UXS1: variants seen among roughly 807,000 people sequenced by gnomAD.
UXS1 encodes the protein UDP-glucuronic acid decarboxylase 1.
UXS1 carries 33 observed loss-of-function variants against 62.6 expected under a neutral mutation model. The ratio of observed to expected loss-of-function variants is 0.53; its 90% CI spans 0.40 to 0.70. The LOEUF is 0.70. Ranked by LOEUF, UXS1 falls within the 30% of genes least tolerant of loss-of-function variation. The pLI is 0.00. For missense variants in UXS1, 434 were observed against 556.3 expected (o/e 0.78, Z 2.21); for synonymous variants, 213 against 206.8 (o/e 1.03, Z -0.26).
At chr2:106,154,967 G>C (rs893932412) in intron 5 of UXS1, among the ~76,000 whole-genome samples, 1 of 152,186 alleles carries the variant, frequency 6.6e-6, no homozygotes, top group Admixed American at 6.5e-5. Context: ...GAGGGCTTCG[G>C]AGAGCTTTCA....
At chr2:106,159,858 G>C (rs1219451149) in intron 4 of UXS1, 1 of 152,146 alleles carries the variant, frequency 6.6e-6, no homozygotes, top group East Asian at 1.9e-4. Context: ...GGAGTGAAAG[G>C]GCTTTCTATT....
At chr2:106,188,925 G>C (rs1241459351) in intron 1 of UXS1, among the ~76,000 whole-genome samples, 3 of 152,146 alleles carry the variant, frequency 2.0e-5, no homozygotes, top group African/African-American at 4.8e-5. Flanking sequence ...TTTTAAAAAA[G>C]TTCACAGAAC....
In UXS1 at chr2:106,165,101, G is replaced by A. The variant is rs555243958; in HGVS notation, c.123-302C>T. On this transcript the variant is annotated intron_variant, in intron 2 of 14. Transcript: ENST00000283148. ...ATTTTAAATTTGAAGCAGGAAGTGC[G>A]TCTGTAGGAGTATGTGTTTGTGCCT... Among the ~76,000 whole-genome samples, 74 of 152,346 alleles carry A rather than the reference G, an allele frequency of 4.9e-4. 1 individual carries two copies. The highest frequency in any genetic ancestry group is 1.2e-3 in the Admixed American group (18 of 15,302).
intron 12 of UXS1, among the ~76,000 whole-genome samples, chr2:106,100,126 A>AGGGT (rs979944701): frequency 6.6e-6 from 1 of 152,218 alleles, no homozygotes; most frequent in African/African-American, 2.4e-5. Flanking sequence ...ACCCCAAGGT[A>AGGGT]GGGTTAAGGG....
chr2:106,109,551 A>G (rs1005273275), intron 10 of UXS1, among the ~76,000 whole-genome samples: 7 of 152,224 alleles, frequency 4.6e-5, no homozygotes, highest in Admixed American at 6.5e-5. Context: ...CCTCCTGTGA[A>G]GGTGAGTGCC....
intron 9 of UXS1, among the ~76,000 whole-genome samples, chr2:106,121,140 G>A (rs1679486563): frequency 6.6e-6 from 1 of 152,128 alleles, no homozygotes; most frequent in Non-Finnish European, 1.5e-5. Flanking sequence ...CTGGAGCCCA[G>A]GCCCCTAGAA....
chr2:106,096,057 C>A (rs1677058163), intron 14 of UXS1, among the ~76,000 whole-genome samples: 1 of 152,240 alleles, frequency 6.6e-6, no homozygotes. Context: ...AGGGGCTCCA[C>A]TGCGGGGCTG....
chr2:106,109,241 C>A (rs1218056491), intron 10 of UXS1, among the ~76,000 whole-genome samples: 2 of 152,142 alleles, frequency 1.3e-5, no homozygotes, highest in African/African-American at 2.4e-5. Flanking sequence ...ATAAAGTCTT[C>A]CTCACCATAC....
Position 106,194,156 on chromosome 2 carries a change from T to C in UXS1, c.86A>G (p.Tyr29Cys), listed in dbSNP as rs1238947002. The change falls in exon 1 of 15, where the codon TAC becomes TGC. Residue 29 changes from tyrosine to cysteine, a missense_variant. By Grantham distance (194) the Tyr-to-Cys change is radical (BLOSUM62 -2). Coordinates refer to ENST00000283148, the MANE Select transcript of UXS1 (RefSeq NM_001253875.2). ...AGCGGGCGCGCACTCACAGGCGACG[T>C]AGGCCAGCAAGGCGATGCCCAGCAG... is the stretch of plus-strand genomic sequence containing the variant. ...KLLLGIALLAYVASVWGNFVN... is the reference protein window; with the variant it reads ...KLLLGIALLACVASVWGNFVN... 10 of 1,482,342 alleles carry C rather than the reference T, an allele frequency of 6.7e-6. No individual in the cohort carries two copies. Among genetic ancestry groups the C allele is most frequent in the Non-Finnish European group, 9.0e-6 (10 of 1,114,976 alleles). The allele number at this position is 1,482,342 out of a possible 1,614,324, so 91.8% of individuals were successfully genotyped here.
At chr2:106,131,099 G>A (rs376833937) in intron 6 of UXS1, among the ~76,000 whole-genome samples, 79 of 149,146 alleles carry the variant, frequency 5.3e-4, no homozygotes, top group African/African-American at 1.7e-3. Flanking sequence ...CCTGGGAAGC[G>A]CAAGGGGTCA....
At chr2:106,104,955 C>CTT in intron 10 of UXS1, 118 bp from the exon 11 acceptor site, 1 of 1,231,180 alleles carries the variant, frequency 8.1e-7, no homozygotes, top group Non-Finnish European at 1.2e-6. Context: ...GGCAGTGATG[C>CTT]TGACTCAAAG....
chr2:106,183,240 TA>T (rs56060452), intron 1 of UXS1, among the ~76,000 whole-genome samples: 119,372 of 135,940 alleles, frequency 0.88, 52,474 homozygotes, highest in Non-Finnish European at 0.91. Context: ...AAGTCTTTTT[TA>T]AAAAAAAAAA....
intron 6 of UXS1, chr2:106,138,129 G>A: frequency 5.1e-6 from 5 of 976,964 alleles, no homozygotes; most frequent in South Asian, 4.7e-5. Context: ...GAGAGTACAG[G>A]AAGCCTCTCC....
chr2:106,130,364 T>A (rs1179713746), intron 6 of UXS1, among the ~76,000 whole-genome samples: 1 of 152,120 alleles, frequency 6.6e-6, no homozygotes, highest in Non-Finnish European at 1.5e-5. Context: ...ACCCACAGCG[T>A]TCCAGCACAG....
intron 5 of UXS1, among the ~76,000 whole-genome samples, chr2:106,154,351 G>A (rs1485612357): frequency 6.6e-6 from 1 of 152,214 alleles, no homozygotes. Flanking sequence ...CAAAGTTTAT[G>A]TCTGTCCCAG....
chr2:106,190,705 T>C (rs968686250), intron 1 of UXS1, among the ~76,000 whole-genome samples: 3 of 137,434 alleles, frequency 2.2e-5, no homozygotes, highest in African/African-American at 5.5e-5. Context: ...ATCACGCCAC[T>C]GCACTCCAGC....
chr2:106,147,936 C>T (rs1279656949), intron 5 of UXS1, among the ~76,000 whole-genome samples: 1 of 152,218 alleles, frequency 6.6e-6, no homozygotes, highest in Non-Finnish European at 1.5e-5. Flanking sequence ...TGATGAAATG[C>T]AAATCAAATG....
chr2:106,165,339 A>C lies in UXS1; in HGVS notation c.123-540T>G, dbSNP rs572319967. On this transcript the variant is annotated intron_variant, in intron 2 of 14. Transcript: ENST00000283148. ...ATGAAAAGCCTCCTGAGGGCATAGT[A>C]ACCTTTTACCCTGGTAGACATGTGC... Among the ~76,000 whole-genome samples, 215 of 152,298 alleles carry C rather than the reference A, an allele frequency of 1.4e-3. 1 individual carries two copies. The highest frequency in any genetic ancestry group is 2.7e-3 in the Non-Finnish European group (185 of 68,018).
intron 6 of UXS1, among the ~76,000 whole-genome samples, chr2:106,130,185 T>C (rs1573471526): frequency 6.6e-6 from 1 of 152,082 alleles, no homozygotes; most frequent in South Asian, 2.1e-4. Context: ...CACAGAACTA[T>C]GGGAGAAAGT....
Sources: gnomAD v4.1 joint callset for allele counts (sites outside exome capture counted in the v4.1 genomes callset) on GRCh38, gnomAD v4.1.1 for gene constraint, MANE v1.5 for transcripts, NCBI Gene and HGNC (gene_info 2026-07-23, HGNC 2026-07-21) for gene names.